RBFOX1: variants seen among roughly 807,000 people sequenced by gnomAD.
RBFOX1 encodes RNA binding protein fox-1 homolog 1.
RBFOX1 carries 8 observed loss-of-function variants against 57.7 expected under a neutral mutation model. The ratio of observed to expected loss-of-function variants is 0.14; its 90% CI spans 0.08 to 0.25. The LOEUF (loss-of-function observed/expected upper bound fraction) is 0.25, where lower values mean the gene tolerates loss of function less well. Among genes scored for constraint, RBFOX1 ranks in the 10% least tolerant of loss-of-function variants. RBFOX1 has a pLI of 1.00. For synonymous variants in RBFOX1, 326 were observed against 222.4 expected (o/e 1.47, Z -4.15); for missense variants, 611 against 548.5 (o/e 1.11, Z -1.14).
At chr16:5,383,344 C>T (rs1239711495) in intron 1 of RBFOX1, among the ~76,000 whole-genome samples, 4 of 152,194 alleles carry the variant, frequency 2.6e-5, no homozygotes, top group Non-Finnish European at 5.9e-5. Flanking sequence ...GAGAGCCGCT[C>T]AGACCTGAGT....
intron 3 of RBFOX1, among the ~76,000 whole-genome samples, chr16:6,884,096 G>T (rs113460370): frequency 1.3e-5 from 2 of 152,148 alleles, no homozygotes; most frequent in Non-Finnish European, 2.9e-5. Flanking sequence ...AAGCACCTGC[G>T]ATGCGCTGCA....
intron 4 of RBFOX1, among the ~76,000 whole-genome samples, chr16:7,072,806 A>G (rs1331008871): frequency 6.6e-6 from 1 of 152,228 alleles, no homozygotes; most frequent in East Asian, 1.9e-4. Flanking sequence ...AGATGAAGCT[A>G]CCGTTGGCCC....
intron 2 of RBFOX1, among the ~76,000 whole-genome samples, chr16:6,612,037 G>C (rs1344613519): frequency 6.6e-6 from 1 of 152,062 alleles, no homozygotes; most frequent in African/African-American, 2.4e-5. Context: ...AAAAGTCCCG[G>C]AATAGTTCCT....
intron 14 of RBFOX1, among the ~76,000 whole-genome samples, chr16:7,696,791 T>G (rs1323898718): frequency 6.6e-6 from 1 of 152,096 alleles, no homozygotes; most frequent in African/African-American, 2.4e-5. Flanking sequence ...TATTTTAGAC[T>G]CAGCCATCAG....
At chr16:7,231,574 G>A (rs1004933675) in intron 4 of RBFOX1, among the ~76,000 whole-genome samples, 2 of 152,156 alleles carry the variant, frequency 1.3e-5, no homozygotes, top group African/African-American at 4.8e-5. Context: ...AGATTCACTT[G>A]AATCCACATA....
chr16:6,762,909 A>G (rs1025732565), intron 3 of RBFOX1, among the ~76,000 whole-genome samples: 9 of 152,150 alleles, frequency 5.9e-5, no homozygotes, highest in Non-Finnish European at 1.2e-4. Context: ...AATTTCAGAG[A>G]AAGGTAGCAT....
intron 3 of RBFOX1, among the ~76,000 whole-genome samples, chr16:5,646,646 T>G (rs2049064082): frequency 6.6e-6 from 1 of 152,014 alleles, no homozygotes; most frequent in African/African-American, 2.4e-5. Context: ...TTATTTTTTA[T>G]TTTTTTGAGA....
chr16:6,898,377 G>C (rs1486341739), intron 3 of RBFOX1, among the ~76,000 whole-genome samples: 2 of 152,152 alleles, frequency 1.3e-5, no homozygotes, highest in Non-Finnish European at 2.9e-5. Flanking sequence ...AAAGAATGTG[G>C]AGGGTATTGA....
intron 3 of RBFOX1, among the ~76,000 whole-genome samples, chr16:5,623,746 C>G (rs1003390289): frequency 6.6e-6 from 1 of 152,076 alleles, no homozygotes; most frequent in African/African-American, 2.4e-5. Context: ...CTCTCCTGCT[C>G]TTTTTCTCCC....
intron 15 of RBFOX1, 80 bp downstream of exon 15, chr16:7,709,211 C>A (rs895641113): frequency 5.4e-6 from 7 of 1,299,114 alleles, no homozygotes; most frequent in African/African-American, 1.5e-5. Context: ...TACGGGTTGA[C>A]GTCCTCTCAC....
intron 3 of RBFOX1, among the ~76,000 whole-genome samples, chr16:5,749,655 A>T (rs1033249198): frequency 1.3e-5 from 2 of 152,238 alleles, no homozygotes; most frequent in East Asian, 1.9e-4. Context: ...CAGTTGATCG[A>T]ATCGGCTGCT....
intron 4 of RBFOX1, among the ~76,000 whole-genome samples, chr16:7,274,551 C>G (rs975501055): frequency 3.3e-4 from 50 of 152,176 alleles, no homozygotes; most frequent in African/African-American, 1.2e-3. Flanking sequence ...GCTTCTGACA[C>G]TAACCTTAAA....
intron 1 of RBFOX1, among the ~76,000 whole-genome samples, chr16:6,201,830 A>G (rs557795121): frequency 3.3e-5 from 5 of 152,306 alleles, no homozygotes; most frequent in Middle Eastern, 3.4e-3. Context: ...AAAAATAAAG[A>G]AAATTTTTAA....
At chr16:7,329,331 G>C (rs910073549) in intron 4 of RBFOX1, among the ~76,000 whole-genome samples, 3 of 152,132 alleles carry the variant, frequency 2.0e-5, no homozygotes, top group Non-Finnish European at 4.4e-5. Flanking sequence ...ACTATTTAAA[G>C]TTCCTGCATT....
intron 1 of RBFOX1, among the ~76,000 whole-genome samples, chr16:5,435,255 G>A (rs1246837734): frequency 6.6e-6 from 1 of 152,204 alleles, no homozygotes; most frequent in Non-Finnish European, 1.5e-5. Flanking sequence ...AGGTTAAACT[G>A]ATATGTGCAA....
At chr16:6,427,406 G>A (rs1483941533) in intron 2 of RBFOX1, among the ~76,000 whole-genome samples, 5 of 152,228 alleles carry the variant, frequency 3.3e-5, no homozygotes, top group Non-Finnish European at 5.9e-5. Flanking sequence ...GGTACAGGGA[G>A]TAGTTCTGAA....
chr16:6,739,840 T>A (rs527522941), intron 3 of RBFOX1, among the ~76,000 whole-genome samples: 6 of 152,110 alleles, frequency 3.9e-5, no homozygotes, highest in African/African-American at 1.4e-4. Context: ...TTGCACCACT[T>A]CACTCCAGCC....
chr16:6,856,606 A>T, intron 3 of RBFOX1, among the ~76,000 whole-genome samples: 1 of 152,208 alleles, frequency 6.6e-6, no homozygotes, highest in East Asian at 1.9e-4. Flanking sequence ...CGTGGAATTC[A>T]TTAAAGATGA....
intron 3 of RBFOX1, among the ~76,000 whole-genome samples, chr16:6,916,097 G>T (rs796179694): frequency 2.6e-5 from 4 of 152,134 alleles, no homozygotes; most frequent in South Asian, 2.1e-4. Context: ...TAGGGAAAGG[G>T]CATAAGCGCT....
Sources: allele counts gnomAD v4.1 joint callset (sites outside exome capture counted in the v4.1 genomes callset), GRCh38; gene constraint gnomAD v4.1.1; transcripts MANE v1.5; gene names NCBI Gene and HGNC (gene_info 2026-07-23, HGNC 2026-07-21).